Variants in RANBP6 observed in about 807,000 individuals in gnomAD.
RANBP6 encodes the protein RAN binding protein 6.
RANBP6 carries 10 observed loss-of-function variants against 35.3 expected under a neutral mutation model. The observed-to-expected ratio is 0.28, with a 90% CI of 0.17 to 0.48. RANBP6 has a LOEUF of 0.48. RANBP6 is among the 20% of genes least tolerant of loss of function. RANBP6 has a pLI of 0.99. For synonymous variants in RANBP6, 514 were observed against 464.2 expected (o/e 1.11, Z -1.38); for missense variants, 1,392 against 1,307.7 (o/e 1.06, Z -0.99).
In RANBP6 at chr9:6,015,501, T is replaced by C; in HGVS notation, c.107A>G (p.Gln36Arg). Residue 36 changes from glutamine to arginine, a missense_variant, in exon 1 of 1, where the codon CAA becomes CGA. Transcript: ENST00000259569. ...GATATTTTCATAGATTTCCTCTGCT[T>C]GCCTCCGCACCATACAGCTTGGATT... ...LINPSCMVRR[Q>R]AEEIYENIPG... is the part of the protein sequence containing the mutation. The C allele has an allele frequency of 1.1e-5, 17 of 1,613,856 alleles. No individual in the cohort carries two copies. Among genetic ancestry groups the C allele is most frequent in the Non-Finnish European group, 1.4e-5 (17 of 1,180,044 alleles).
chr9:6,014,945 G>T lies in RANBP6; in HGVS notation c.663C>A (p.Asp221Glu). Residue 221 changes from aspartate (D) to glutamate (E), a missense_variant, in exon 1 of 1, where the codon GAC becomes GAA. Asp to Glu is a conservative substitution (Grantham distance 45). Transcript: ENST00000259569. ...ANENNIALFK[D>E]FADLLPGILQ... ...AGATTCCAGGAAGCAAGTCTGCAAA[G>T]TCTTTGAAAAGAGCAATATTATTCT... 1 of 1,614,184 alleles carries T rather than the reference G, an allele frequency of 6.2e-7. No homozygotes were observed. The highest frequency in any genetic ancestry group is 1.1e-5 in the South Asian group (1 of 91,078).
Position 6,012,564 on chromosome 9 carries a change from T to C in RANBP6, c.3044A>G (p.Glu1015Gly). The C allele has an allele frequency of 6.2e-7, 1 of 1,614,056 alleles. No individual in the cohort carries two copies. ...AAAACTCAAAGTCTGAATAGCTTCCTCTTTATCTTCATGCAGTGGAAGCCA... is the reference window on the plus strand; with the variant it reads ...AAAACTCAAAGTCTGAATAGCTTCCCCTTTATCTTCATGCAGTGGAAGCCA... Reference protein sequence around the residue: ...LSWLPLHEDKEEAIQTLSFLC... With the variant: ...LSWLPLHEDKGEAIQTLSFLC... Residue 1015 changes from glutamate to glycine, a missense_variant, in exon 1 of 1, where the codon GAG becomes GGG. Glu to Gly is a moderately conservative substitution (Grantham distance 98). Coordinates refer to ENST00000259569, the MANE Select transcript of RANBP6 (RefSeq NM_012416.4).
Position 6,015,324 on chromosome 9 carries a change from C to T in RANBP6, c.284G>A (p.Arg95Lys). Reference sequence around the variant, plus strand: ...CAGAATCAGTTCAATCTTGACATCTCTCTGAACATCAGCAGGCAGATTTGG... The same window carrying T: ...CAGAATCAGTTCAATCTTGACATCTTTCTGAACATCAGCAGGCAGATTTGG... ...VYPNLPADVQ[R>K]DVKIELILAV... Residue 95 changes from arginine to lysine, a missense_variant, in exon 1 of 1, where the codon AGA (arginine) becomes AAA (lysine). Arg to Lys is a conservative substitution (Grantham distance 26). Coordinates refer to ENST00000259569, the MANE Select transcript of RANBP6 (RefSeq NM_012416.4). 6.2e-7 allele frequency: 1 copy of T among 1,614,230 alleles called. No individual in the cohort carries two copies. The highest frequency in any genetic ancestry group is 8.5e-7 in the Non-Finnish European group (1 of 1,180,040).
chr9:6,013,712 TG>T lies in RANBP6; in HGVS notation c.1895del (p.Pro632HisfsTer20). The part of the protein sequence containing the change: ...ILGKDFQQYL[P>X]LVIEPLIKTA... Reference sequence around the variant, plus strand: ...TCTTAATAAGAGGCTCGATAACCAGTGGAAGGTACTGTTGAAAATCTTTTCC... The same window carrying T: ...TCTTAATAAGAGGCTCGATAACCAGTGAAGGTACTGTTGAAAATCTTTTCC... On this transcript the variant is annotated frameshift_variant, in exon 1 of 1. Transcript: ENST00000259569. LOFTEE classifies it low-confidence loss of function (END_TRUNC). 1 of 1,613,284 alleles carries T rather than the reference TG, an allele frequency of 6.2e-7. No individual in the cohort carries two copies. The highest frequency in any genetic ancestry group is 8.5e-7 in the Non-Finnish European group (1 of 1,179,262).
In RANBP6 at chr9:6,014,695, G is replaced by A; in HGVS notation, c.913C>T (p.His305Tyr). 3 of 1,614,128 alleles carry A rather than the reference G, an allele frequency of 1.9e-6. No individual in the cohort carries two copies. Reference protein sequence around the residue: ...SETATPMLKKHTNIIAQAVPH... With the variant: ...SETATPMLKKYTNIIAQAVPH... Reference sequence around the variant, plus strand: ...ACTGCCTGTGCAATAATATTTGTATGTTTTTTCAACATCGGAGTGGCAGTT... The same window carrying A: ...ACTGCCTGTGCAATAATATTTGTATATTTTTTCAACATCGGAGTGGCAGTT... Residue 305 changes from histidine (H) to tyrosine (Y), a missense_variant, in exon 1 of 1, where the codon CAT (histidine) becomes TAT (tyrosine). Transcript: ENST00000259569.
rs752112690 is a variant in RANBP6 at position 6,014,760 on chromosome 9, T to G, written c.848A>C (p.Gln283Pro). ...LCGDSRLSNLQRQLALEVIVT... is the reference protein window; with the variant it reads ...LCGDSRLSNLPRQLALEVIVT... ...TATAACTTCGAGGGCCAGCTGGCGC[T>G]GCAGATTACTAAGCCTAGAGTCTCC... The change falls in exon 1 of 1, where the codon CAG becomes CCG. Residue 283 changes from glutamine to proline, a missense_variant. Physicochemically the swap from Gln to Pro is moderately conservative, Grantham distance 76 (BLOSUM62 -1). Coordinates refer to ENST00000259569, the MANE Select transcript of RANBP6 (RefSeq NM_012416.4). 1.2e-6 allele frequency: 2 copies of G among 1,614,204 alleles called. No homozygotes were observed. Among genetic ancestry groups the G allele is most frequent in the South Asian group, 2.2e-5 (2 of 91,092 alleles).
At position 6,014,357 on chromosome 9, in the gene RANBP6, C is replaced by T. The variant is rs374958250; in HGVS notation, c.1251G>A (p.Gln417=). 2.1e-5 allele frequency: 34 copies of T among 1,613,588 alleles called. No homozygotes were observed. Among genetic ancestry groups the T allele is most frequent in the Non-Finnish European group, 2.8e-5 (33 of 1,179,648 alleles). Residue 417 remains glutamine (Q), a synonymous_variant, in exon 1 of 1, where the codon CAG becomes CAA. Coordinates refer to ENST00000259569, the MANE Select transcript of RANBP6 (RefSeq NM_012416.4). The part of the protein sequence containing the change: ...ETVNSVLLFL[Q]DPHPRVRAAA... ...CAGCCCTCACCCTTGGATGAGGATC[C>T]TGAAGAAAAAGCAAAACGGAGTTAA...
At position 6,013,990 on chromosome 9, in the gene RANBP6, C is replaced by G. The variant is rs888464596; in HGVS notation, c.1618G>C (p.Asp540His). ...TIEEKFVPYY[D>H]IFMPSLKHIV... is the part of the protein sequence containing the mutation. ...TGCTTTAGTGAGGGCATGAATATAT[C>G]ATAATATGGGACAAATTTTTCTTCT... Residue 540 changes from aspartate to histidine, a missense_variant, in exon 1 of 1, where the codon GAT (aspartate) becomes CAT (histidine). Transcript: ENST00000259569. 1.1e-5 allele frequency: 17 copies of G among 1,613,780 alleles called. No individual in the cohort carries two copies. In the African/African-American group the frequency reaches 1.2e-4, roughly 11 times the overall value.
In RANBP6 at chr9:6,013,233, C is replaced by T; in HGVS notation, c.2375G>A (p.Cys792Tyr). Residue 792 changes from cysteine to tyrosine, a missense_variant, in exon 1 of 1, where the codon TGC (cysteine) becomes TAC (tyrosine). Cys to Tyr is a radical substitution (Grantham distance 194). Coordinates refer to ENST00000259569, the MANE Select transcript of RANBP6 (RefSeq NM_012416.4). ...TTCTTCCAAGTGTTCATCATTAAGG[C>T]AACCATCTCCCATAACTTCAATGGA... Reference protein sequence around the residue: ...AKSIEVMGDGCLNDEHLEELG... With the variant: ...AKSIEVMGDGYLNDEHLEELG... The T allele has an allele frequency of 3.7e-6, 6 of 1,614,064 alleles. No individual in the cohort carries two copies. Among genetic ancestry groups the T allele is most frequent in the Non-Finnish European group, 5.1e-6 (6 of 1,180,002 alleles).
Position 6,012,145 on chromosome 9 carries a change from T to C in RANBP6, c.*145A>G, listed in dbSNP as rs527921772. 1.2e-3 allele frequency: 748 copies of C among 620,016 alleles called. 10 individuals carry two copies. The highest frequency in any genetic ancestry group is 5.8e-3 in the Middle Eastern group (13 of 2,250). 38.4% of individuals were successfully genotyped at this position (620,016 alleles called of 1,614,324 possible). ...TGCGAGATAAACAGAGGACTAACAC[T>C]GATTAATTCTGGAGAAACATGGAGA... On this transcript the variant is annotated 3_prime_UTR_variant, in exon 1 of 1. Coordinates refer to ENST00000259569, the MANE Select transcript of RANBP6 (RefSeq NM_012416.4).
rs199515044 is a variant in RANBP6, at chr9:6,013,910, G to T, written c.1698C>A (p.Ile566=). 6.2e-7 allele frequency: 1 copy of T among 1,613,812 alleles called. No homozygotes were observed. The highest frequency in any genetic ancestry group is 8.5e-7 in the Non-Finnish European group (1 of 1,179,994). The change falls in exon 1 of 1, where the codon ATC becomes ATA. Residue 566 remains isoleucine (I), a synonymous_variant. Coordinates refer to ENST00000259569, the MANE Select transcript of RANBP6 (RefSeq NM_012416.4). ...CAAGACCAATATGGCTAATGCACTC[G>T]ATAGTTTTTCCTCTCAGAAGCTTGA... The part of the protein sequence containing the change: ...KELKLLRGKT[I]ECISHIGLAV...
Position 6,014,545 on chromosome 9 carries a change from C to A in RANBP6, c.1063G>T (p.Ala355Ser), listed in dbSNP as rs1448575888. The change falls in exon 1 of 1, where the codon GCT becomes TCT. Residue 355 changes from alanine to serine, a missense_variant. Transcript: ENST00000259569. Reference protein sequence around the residue: ...VAAESALDRLACGLGGKVVLP... With the variant: ...VAAESALDRLSCGLGGKVVLP... ...ACAACTTTTCCACCAAGCCCACAAGCCAGTCTGTCTAGTGCACTCTCCGCA... is the reference window on the plus strand; with the variant it reads ...ACAACTTTTCCACCAAGCCCACAAGACAGTCTGTCTAGTGCACTCTCCGCA... 2 of 1,614,020 alleles carry A rather than the reference C, an allele frequency of 1.2e-6. No homozygotes were observed. Among genetic ancestry groups the A allele is most frequent in the African/African-American group, 2.7e-5 (2 of 74,912 alleles).
Position 6,012,958 on chromosome 9 carries a change from T to C in RANBP6, c.2650A>G (p.Arg884Gly), listed in dbSNP as rs1206760373. 1 of 1,614,194 alleles carries C rather than the reference T, an allele frequency of 6.2e-7. No individual in the cohort carries two copies. The highest frequency in any genetic ancestry group is 1.1e-5 in the South Asian group (1 of 91,080). ...CCCCACTGTCTGTCTGGCCATGGCCTACTTGAACAAATTAGATTTACAATT... is the reference window on the plus strand; with the variant it reads ...CCCCACTGTCTGTCTGGCCATGGCCCACTTGAACAAATTAGATTTACAATT... ...PLIVNLICSSRPWPDRQWGLC... is the reference protein window; with the variant it reads ...PLIVNLICSSGPWPDRQWGLC... The change falls in exon 1 of 1, where the codon AGG becomes GGG. Residue 884 changes from arginine to glycine, a missense_variant. By Grantham distance (125) the Arg-to-Gly change is moderately radical (BLOSUM62 -2). Transcript: ENST00000259569.
Position 6,012,549 on chromosome 9 carries a change from G to A in RANBP6, c.3059C>T (p.Thr1020Ile). 6.2e-7 allele frequency: 1 copy of A among 1,613,600 alleles called. No homozygotes were observed. Among genetic ancestry groups the A allele is most frequent in the African/African-American group, 1.3e-5 (1 of 75,014 alleles). Residue 1020 changes from threonine (T) to isoleucine (I), a missense_variant, in exon 1 of 1, where the codon ACT (threonine) becomes ATT (isoleucine). Transcript: ENST00000259569. ...LHEDKEEAIQ[T>I]LSFLCDLIES... is the part of the protein sequence containing the mutation. ...AATTAGGTCACAGAGAAAACTCAAA[G>A]TCTGAATAGCTTCCTCTTTATCTTC...
rs752664114 is a variant in RANBP6, at chr9:6,014,941, C to T, written c.667G>A (p.Ala223Thr). 5 of 1,614,060 alleles carry T rather than the reference C, an allele frequency of 3.1e-6. No individual in the cohort carries two copies. Among genetic ancestry groups the T allele is most frequent in the Admixed American group, 3.3e-5 (2 of 60,010 alleles). Reference sequence around the variant, plus strand: ...TGTAAGATTCCAGGAAGCAAGTCTGCAAAGTCTTTGAAAAGAGCAATATTA... The same window carrying T: ...TGTAAGATTCCAGGAAGCAAGTCTGTAAAGTCTTTGAAAAGAGCAATATTA... Reference protein sequence around the residue: ...ENNIALFKDFADLLPGILQAV... With the variant: ...ENNIALFKDFTDLLPGILQAV... Residue 223 changes from alanine to threonine, a missense_variant, in exon 1 of 1, where the codon GCA becomes ACA. Ala to Thr is a moderately conservative substitution (Grantham distance 58). Transcript: ENST00000259569.
rs1587502699 is a variant in RANBP6, at chr9:6,012,478, G to A, written c.3130C>T (p.Pro1044Ser). ...TCTGCAATTATACTGATTATTTTGG[G>A]AAGATTGGAATTATTTGGACCAATT... ...VVIGPNNSNL[P>S]KIISIIAEGK... Residue 1044 changes from proline to serine, a missense_variant, in exon 1 of 1, where the codon CCC (proline) becomes TCC (serine). By Grantham distance (74) the Pro-to-Ser change is moderately conservative (BLOSUM62 -1). Coordinates refer to ENST00000259569, the MANE Select transcript of RANBP6 (RefSeq NM_012416.4). 5.6e-6 allele frequency: 9 copies of A among 1,611,736 alleles called. No homozygotes were observed. In the East Asian group the frequency reaches 2.0e-4, roughly 36 times the overall value.
chr9:6,014,533 CA>C lies in RANBP6; in HGVS notation c.1074del (p.Gly359ValfsTer8). The part of the protein sequence containing the change: ...ESALDRLACG[L>X]GGKVVLPMTK... ...GTCATTGGTAAAACAACTTTTCCAC[CA>C]AGCCCACAAGCCAGTCTGTCTAGTG... On this transcript the variant is annotated frameshift_variant, in exon 1 of 1. Transcript: ENST00000259569. LOFTEE classifies it low-confidence loss of function (END_TRUNC). The C allele has an allele frequency of 6.2e-7, 1 of 1,614,086 alleles. No homozygotes were observed. Among genetic ancestry groups the C allele is most frequent in the South Asian group, 1.1e-5 (1 of 91,082 alleles).
rs1054732756 is a variant in RANBP6 at position 6,011,276 on chromosome 9, C to A, written c.*1014G>T. 5.9e-5 allele frequency: 9 copies of A among 152,174 alleles called. No homozygotes were observed. The highest frequency in any genetic ancestry group is 1.3e-4 in the Non-Finnish European group (9 of 68,024). 9.4% of individuals were successfully genotyped at this position (152,174 alleles called of 1,614,324 possible). ...ATAGAACTGTTTTCTCATAATAATG[C>A]ACATCTACTGCTAAATGACTACTCT... On this transcript the variant is annotated 3_prime_UTR_variant, in exon 1 of 1. Coordinates refer to ENST00000259569, the MANE Select transcript of RANBP6 (RefSeq NM_012416.4).
In RANBP6 at chr9:6,012,868, A is replaced by C; in HGVS notation, c.2740T>G (p.Phe914Val). 1 of 1,614,050 alleles carries C rather than the reference A, an allele frequency of 6.2e-7. No homozygotes were observed. Among genetic ancestry groups the C allele is most frequent in the Non-Finnish European group, 8.5e-7 (1 of 1,179,974 alleles). Reference protein sequence around the residue: ...SPTSFKYVEYFRWPMLLNMRD... With the variant: ...SPTSFKYVEYVRWPMLLNMRD... ...ATATTTAGTAGCATTGGCCACCGAA[A>C]ATATTCTACATATTTAAATGAAGTT... Residue 914 changes from phenylalanine to valine, a missense_variant, in exon 1 of 1, where the codon TTT becomes GTT. Transcript: ENST00000259569.
Sources: allele counts gnomAD v4.1 joint callset, GRCh38; gene constraint gnomAD v4.1.1; transcripts MANE v1.5; gene names NCBI Gene and HGNC (gene_info 2026-07-23, HGNC 2026-07-21).